The following GALNTL6 variants were observed in gnomAD, a reference collection of about 807,000 sequenced individuals.
The protein encoded by GALNTL6 is polypeptide N-acetylgalactosaminyltransferase like 6.
A neutral mutation model predicts 73.7 loss-of-function variants in GALNTL6; 46 were observed. The ratio of observed to expected loss-of-function variants is 0.62; its 90% CI spans 0.49 to 0.80. The LOEUF (loss-of-function observed/expected upper bound fraction) is 0.80, where lower values mean the gene tolerates loss of function less well. GALNTL6 is among the 30% of genes least tolerant of loss of function. The probability of loss-of-function intolerance (pLI) is 0.00; values close to 1 mark genes in which losing one functional copy is unlikely to be tolerated. For missense variants in GALNTL6, 604 were observed against 755.0 expected, an observed-to-expected ratio of 0.80 and a Z score of 2.34; for synonymous variants, 259 against 263.7, an observed-to-expected ratio of 0.98 and a Z score of 0.17.
At chr4:172,314,028 T>C (rs973546596) in intron 4 of GALNTL6, among the ~76,000 whole-genome samples, 4 of 152,304 alleles carry the variant, frequency 2.6e-5, no homozygotes, top group Middle Eastern at 6.8e-3. Flanking sequence ...TAAAGTACTA[T>C]GCTTTTGACT....
At chr4:172,630,519 G>GA (rs1244159921) in intron 5 of GALNTL6, among the ~76,000 whole-genome samples, 3 of 151,956 alleles carry the variant, frequency 2.0e-5, no homozygotes, top group Non-Finnish European at 4.4e-5. Context: ...AACTGGAGGG[G>GA]AAAAATCTGC....
chr4:172,511,809 T>A (rs113052518), intron 5 of GALNTL6, among the ~76,000 whole-genome samples: 1,822 of 55,382 alleles, frequency 0.033, 706 homozygotes, highest in African/African-American at 0.077. Flanking sequence ...GAGTACTTGA[T>A]ATAATTTTGG....
In GALNTL6 at chr4:172,789,211, G is replaced by A. The variant is rs113607683; in HGVS notation, c.554-20150G>A. 8.4e-3 allele frequency among the ~76,000 whole-genome samples: 1,276 copies of A among 152,192 alleles called. 32 individuals are homozygous for A. The highest frequency in any genetic ancestry group is 0.029 in the African/African-American group (1,206 of 41,520). ...TCTAGGCCTCTGGAACTTCTGATTG[G>A]CCGGCTTCAAGTGGAGTTCCCATGA... On this transcript the variant is annotated intron_variant, in intron 5 of 12. Coordinates refer to ENST00000506823, the MANE Select transcript of GALNTL6 (RefSeq NM_001034845.3).
At position 173,021,583 on chromosome 4, in the gene GALNTL6, CT is replaced by C. The variant is rs1752992979; in HGVS notation, c.1597del (p.Cys533ValfsTer4). On this transcript the variant is annotated frameshift_variant, in exon 12 of 13. Transcript: ENST00000506823. LOFTEE classifies it high-confidence loss of function. ...SHNSPVTLYD[C>X]HGMKGNQLWG... ...ACAACAGCCCCGTTACACTCTATGACTGTCATGGCATGAAGGGGAACCAGCT... is the reference window on the plus strand; with the variant it reads ...ACAACAGCCCCGTTACACTCTATGACGTCATGGCATGAAGGGGAACCAGCT... 2 of 1,614,046 alleles carry C rather than the reference CT, an allele frequency of 1.2e-6. No homozygotes were observed.
chr4:172,304,314 C>T (rs1227848453), intron 3 of GALNTL6, among the ~76,000 whole-genome samples: 1 of 151,886 alleles, frequency 6.6e-6, no homozygotes, highest in Admixed American at 6.6e-5. Flanking sequence ...CTGCTGGAGA[C>T]ATTACGATGA....
intron 5 of GALNTL6, among the ~76,000 whole-genome samples, chr4:172,729,494 C>T (rs1470725300): frequency 6.6e-6 from 1 of 152,120 alleles, no homozygotes; most frequent in Non-Finnish European, 1.5e-5. Context: ...AAAGACTGTT[C>T]TTTCCTCATT....
At chr4:172,842,286 A>G (rs1579554139) in intron 7 of GALNTL6, among the ~76,000 whole-genome samples, 1 of 152,178 alleles carries the variant, frequency 6.6e-6, no homozygotes, top group South Asian at 2.1e-4. Context: ...GCCACTCTCT[A>G]AACACATCAG....
intron 2 of GALNTL6, among the ~76,000 whole-genome samples, chr4:171,854,610 A>G (rs559903180): frequency 1.3e-5 from 2 of 152,194 alleles, no homozygotes; most frequent in African/African-American, 2.4e-5. Flanking sequence ...GGACTAGATT[A>G]CATATAAACA....
intron 5 of GALNTL6, among the ~76,000 whole-genome samples, chr4:172,448,595 T>C (rs1367750651): frequency 6.6e-6 from 1 of 152,210 alleles, no homozygotes; most frequent in Non-Finnish European, 1.5e-5. Context: ...CACAGTCTAC[T>C]GTCCCCTCTA....
chr4:172,624,191 T>G (rs571233688), intron 5 of GALNTL6, among the ~76,000 whole-genome samples: 1 of 152,266 alleles, frequency 6.6e-6, no homozygotes, highest in African/African-American at 2.4e-5. Context: ...TTAAGTTCTT[T>G]TTTCTTTGGA....
chr4:171,978,402 G>T (rs1739784558), intron 2 of GALNTL6, among the ~76,000 whole-genome samples: 1 of 152,030 alleles, frequency 6.6e-6, no homozygotes, highest in African/African-American at 2.4e-5. Flanking sequence ...TATCAAGCAG[G>T]CAGGAATCAG....
chr4:172,112,895 C>T (rs931482367), intron 2 of GALNTL6, among the ~76,000 whole-genome samples: 1 of 151,772 alleles, frequency 6.6e-6, no homozygotes, highest in Non-Finnish European at 1.5e-5. Flanking sequence ...GGACCCTCGC[C>T]AGACACCAAA....
intron 9 of GALNTL6, among the ~76,000 whole-genome samples, chr4:172,936,761 T>C (rs1748641258): frequency 6.6e-6 from 1 of 151,996 alleles, no homozygotes; most frequent in Non-Finnish European, 1.5e-5. Flanking sequence ...TCCAAGAACA[T>C]GGGAGACTTT....
intron 5 of GALNTL6, among the ~76,000 whole-genome samples, chr4:172,454,070 A>T (rs1269393732): frequency 1.3e-5 from 2 of 152,232 alleles, no homozygotes; most frequent in East Asian, 3.8e-4. Context: ...TTGCACATTT[A>T]TAATGTTTCA....
intron 8 of GALNTL6, among the ~76,000 whole-genome samples, chr4:172,917,269 A>G (rs1299307060): frequency 2.1e-4 from 26 of 122,080 alleles, no homozygotes; most frequent in Admixed American, 1.9e-3. Flanking sequence ...AAAGACTTAA[A>G]TGTTAGACCT....
chr4:171,967,020 A>C (rs1383857318), intron 2 of GALNTL6, among the ~76,000 whole-genome samples: 1 of 152,216 alleles, frequency 6.6e-6, no homozygotes, highest in African/African-American at 2.4e-5. Flanking sequence ...AATACTTTGC[A>C]AGTAGCAGTT....
chr4:172,892,431 T>G (rs1561017673), intron 8 of GALNTL6, among the ~76,000 whole-genome samples: 1 of 152,134 alleles, frequency 6.6e-6, no homozygotes, highest in Admixed American at 6.5e-5. Flanking sequence ...TACTTGTGGA[T>G]AGTTTCCTGC....
chr4:172,678,554 A>G (rs1732439855), intron 5 of GALNTL6, among the ~76,000 whole-genome samples: 1 of 152,206 alleles, frequency 6.6e-6, no homozygotes, highest in African/African-American at 2.4e-5. Context: ...CATGTTGGTC[A>G]AGCTGGTCTC....
At chr4:172,220,980 G>A (rs1736653758) in intron 2 of GALNTL6, among the ~76,000 whole-genome samples, 1 of 151,704 alleles carries the variant, frequency 6.6e-6, no homozygotes. Context: ...AGATAACTTA[G>A]CCATGCTATT....
Sources: allele counts gnomAD v4.1 joint callset (sites outside exome capture counted in the v4.1 genomes callset), GRCh38; gene constraint gnomAD v4.1.1; transcripts MANE v1.5; gene names NCBI Gene and HGNC (gene_info 2026-07-23, HGNC 2026-07-21).